Variants in IMMP1L observed in about 807,000 individuals in gnomAD.
IMMP1L encodes the protein mitochondrial inner membrane protease subunit 1.
Under a neutral mutation model 21.8 loss-of-function variants are expected in IMMP1L, and 24 were observed. That is an observed-to-expected ratio of 1.10 (90% CI 0.80 to 1.55). The LOEUF is 1.55. Ranked by LOEUF, IMMP1L falls within the 40% of genes most tolerant of loss-of-function variation. The probability of loss-of-function intolerance (pLI) is 0.00; values close to 1 mark genes in which losing one functional copy is unlikely to be tolerated. For missense variants in IMMP1L, 195 were observed against 200.7 expected (o/e 0.97, Z 0.17); for synonymous variants, 46 against 62.8 (o/e 0.73, Z 1.26).
intron 4 of IMMP1L, among the ~76,000 whole-genome samples, chr11:31,445,039 G>A (rs919283535): frequency 1.3e-5 from 2 of 151,568 alleles, no homozygotes; most frequent in African/African-American, 4.8e-5. Context: ...TTTGAGATTT[G>A]GATTTAAAAA....
In IMMP1L at chr11:31,465,156, G is replaced by C. The variant is rs559849029; in HGVS notation, c.-29-1851C>G. ...TTTATTCACCAGGAATGATCTAGCTGAGTAAGAAATCAATGGGATCAATAA... is the reference window on the plus strand; with the variant it reads ...TTTATTCACCAGGAATGATCTAGCTCAGTAAGAAATCAATGGGATCAATAA... On this transcript the variant is annotated intron_variant, in intron 1 of 5. Coordinates refer to ENST00000532287, the MANE Select transcript of IMMP1L (RefSeq NM_001304274.2). Among the ~76,000 whole-genome samples, 49 of 152,072 alleles carry C rather than the reference G, an allele frequency of 3.2e-4. 1 individual carries two copies. The South Asian group carries it at 9.9e-3, about 31-fold the overall frequency.
chr11:31,465,749 G>A (rs1954316650), intron 1 of IMMP1L, among the ~76,000 whole-genome samples: 1 of 151,808 alleles, frequency 6.6e-6, no homozygotes, highest in Non-Finnish European at 1.5e-5. Flanking sequence ...CATGTAGAAG[G>A]ACAAAACTAG....
At chr11:31,460,804 A>C in intron 2 of IMMP1L, 90 bp from the exon 3 acceptor site, 2 of 949,868 alleles carry the variant, frequency 2.1e-6, no homozygotes, top group East Asian at 2.6e-5. Flanking sequence ...AAAGAAAATC[A>C]AGCAAATGTT....
At chr11:31,496,645 AAT>A (rs1450473802) in intron 1 of IMMP1L, among the ~76,000 whole-genome samples, 3 of 150,994 alleles carry the variant, frequency 2.0e-5, no homozygotes, top group Non-Finnish European at 4.4e-5. Context: ...GTATATTATA[AAT>A]ATGTTATCTT....
At chr11:31,478,489 C>T (rs1435425690) in intron 1 of IMMP1L, among the ~76,000 whole-genome samples, 1 of 152,056 alleles carries the variant, frequency 6.6e-6, no homozygotes, top group Non-Finnish European at 1.5e-5. Context: ...ATTAGGAAAT[C>T]AATGGACGGA....
chr11:31,496,367 T>C (rs1420641747), intron 1 of IMMP1L, among the ~76,000 whole-genome samples: 9 of 152,196 alleles, frequency 5.9e-5, no homozygotes, highest in African/African-American at 2.2e-4. Context: ...CCTTCCGCAC[T>C]CCTGGTGGGA....
intron 1 of IMMP1L, among the ~76,000 whole-genome samples, chr11:31,492,760 G>A (rs1384119357): frequency 6.6e-6 from 1 of 152,120 alleles, no homozygotes; most frequent in Non-Finnish European, 1.5e-5. Flanking sequence ...AGGAGAGCTG[G>A]GGGGACAGCT....
intron 4 of IMMP1L, chr11:31,437,208 A>G (rs1953153694): frequency 4.6e-6 from 2 of 431,822 alleles, no homozygotes; most frequent in Admixed American, 5.2e-5. Context: ...GAATATTTGC[A>G]TATACACGAG....
At chr11:31,450,777 C>T (rs1392383363) in intron 4 of IMMP1L, among the ~76,000 whole-genome samples, 2 of 151,976 alleles carry the variant, frequency 1.3e-5, no homozygotes, top group African/African-American at 2.4e-5. Flanking sequence ...GCAGTAGAAA[C>T]TAGTAGAAAA....
chr11:31,502,090 A>G (rs1955639072), intron 1 of IMMP1L, among the ~76,000 whole-genome samples: 1 of 152,202 alleles, frequency 6.6e-6, no homozygotes, highest in African/African-American at 2.4e-5. Flanking sequence ...AGTCAGAGAG[A>G]AAAAATCCGA....
chr11:31,504,134 G>GA (rs1955711549), intron 1 of IMMP1L, among the ~76,000 whole-genome samples: 1 of 151,434 alleles, frequency 6.6e-6, no homozygotes. Context: ...ATGGTTTTAG[G>GA]AAAAAAAACA....
intron 4 of IMMP1L, chr11:31,437,210 A>G: frequency 2.3e-6 from 1 of 426,892 alleles, no homozygotes; most frequent in Non-Finnish European, 4.7e-6. Flanking sequence ...ATATTTGCAT[A>G]TACACGAGAT....
intron 4 of IMMP1L, among the ~76,000 whole-genome samples, chr11:31,434,508 GAATTTATTTTC>G (rs1358001342): frequency 6.6e-6 from 1 of 152,042 alleles, no homozygotes; most frequent in Non-Finnish European, 1.5e-5. Context: ...TATGGGGAAG[GAATTTATTTTC>G]ACTATTCTTT....
At chr11:31,483,319 T>C (rs1954962582) in intron 1 of IMMP1L, among the ~76,000 whole-genome samples, 2 of 152,056 alleles carry the variant, frequency 1.3e-5, no homozygotes, top group Non-Finnish European at 2.9e-5. Context: ...TAGCTTTCTT[T>C]AAAGAAGGCA....
chr11:31,478,226 C>T (rs576752939), intron 1 of IMMP1L, among the ~76,000 whole-genome samples: 17 of 152,096 alleles, frequency 1.1e-4, no homozygotes, highest in African/African-American at 3.1e-4. Context: ...GCAGTGCAGA[C>T]GAAAAAGAGC....
At chr11:31,484,594 T>C (rs1174974422) in intron 1 of IMMP1L, among the ~76,000 whole-genome samples, 1 of 151,952 alleles carries the variant, frequency 6.6e-6, no homozygotes, top group Non-Finnish European at 1.5e-5. Context: ...ACATATGTTA[T>C]TTTGTAAGTA....
At chr11:31,469,965 T>C (rs1057076526) in intron 1 of IMMP1L, among the ~76,000 whole-genome samples, 5 of 152,170 alleles carry the variant, frequency 3.3e-5, no homozygotes, top group Non-Finnish European at 5.9e-5. Flanking sequence ...CACCAAACTA[T>C]AATTCTATGT....
At chr11:31,449,075 G>GT in intron 4 of IMMP1L, 1 of 985,358 alleles carries the variant, frequency 1.0e-6, no homozygotes, top group Non-Finnish European at 1.2e-6. Context: ...TGTAGCACAG[G>GT]TTTTTATCAC....
At chr11:31,491,932 T>C (rs1565008507) in intron 1 of IMMP1L, among the ~76,000 whole-genome samples, 1 of 152,212 alleles carries the variant, frequency 6.6e-6, no homozygotes, top group South Asian at 2.1e-4. Flanking sequence ...ACCCAGGCTT[T>C]GTTGTTCTGT....
Sources: allele counts gnomAD v4.1 joint callset (sites outside exome capture counted in the v4.1 genomes callset), GRCh38; gene constraint gnomAD v4.1.1; transcripts MANE v1.5; gene names NCBI Gene and HGNC (gene_info 2026-07-23, HGNC 2026-07-21).